The following CEP135 variants were observed in gnomAD, a reference collection of about 807,000 sequenced individuals.
CEP135 encodes the protein centrosomal protein 135.
Under a neutral mutation model 157.3 loss-of-function variants are expected in CEP135, and 142 were observed. The ratio of observed to expected loss-of-function variants is 0.90; its 90% CI spans 0.79 to 1.04. The LOEUF is 1.04. CEP135 is among the 50% of genes least tolerant of loss of function. The pLI, the probability that CEP135 is intolerant of heterozygous loss-of-function variation, is 0.00. For missense variants in CEP135, 1,317 were observed against 1,309.2 expected (o/e 1.01, Z -0.09); for synonymous variants, 396 against 439.8 (o/e 0.90, Z 1.25).
intron 15 of CEP135, among the ~76,000 whole-genome samples, chr4:55,994,657 C>T (rs1560414120): frequency 1.3e-5 from 2 of 151,662 alleles, no homozygotes. Flanking sequence ...TTATTACCAA[C>T]AAACAGGCTT....
intron 17 of CEP135, among the ~76,000 whole-genome samples, chr4:56,007,378 A>G (rs1379961269): frequency 1.3e-5 from 2 of 152,196 alleles, no homozygotes; most frequent in Non-Finnish European, 2.9e-5. Flanking sequence ...GGGAGGTCCC[A>G]AAGGGGATGT....
chr4:55,948,966 C>G lies in CEP135; in HGVS notation c.-139C>G, dbSNP rs925057269. On this transcript the variant is annotated 5_prime_UTR_variant, in exon 1 of 26. Coordinates refer to ENST00000257287, the MANE Select transcript of CEP135 (RefSeq NM_025009.5). ...CGCCATTTTCAAACTGCTCTAGCGC[C>G]GGAGCCCGTGCCTGGACGGAAGGAG... is the stretch of plus-strand genomic sequence containing the variant. The G allele has an allele frequency of 6.6e-6, 1 of 152,450 alleles. No individual in the cohort carries two copies. The highest frequency in any genetic ancestry group is 2.1e-4 in the South Asian group (1 of 4,834). 9.4% of individuals were successfully genotyped at this position (152,450 alleles called of 1,614,324 possible). A position where few individuals can be genotyped will look rare whatever the true frequency, so the allele number is the denominator to read the frequency against.
chr4:55,949,595 G>GT (rs1262653297), intron 1 of CEP135, among the ~76,000 whole-genome samples: 1 of 152,160 alleles, frequency 6.6e-6, no homozygotes, highest in Non-Finnish European at 1.5e-5. Context: ...GGGGTTTCTT[G>GT]TTTATCTTCT....
chr4:55,971,460 G>A (rs1729025283), intron 10 of CEP135, 52 bp downstream of exon 10: 2 of 1,506,234 alleles, frequency 1.3e-6, no homozygotes, highest in Non-Finnish European at 1.8e-6. Context: ...TCCTCTTGAT[G>A]TATTGTTTTT....
intron 17 of CEP135, 146 bp from the exon 18 acceptor site, chr4:56,008,181 T>G: frequency 3.6e-5 from 21 of 586,922 alleles, no homozygotes; most frequent in East Asian, 1.2e-4. Flanking sequence ...GATTGGGACA[T>G]GGAGATATGT....
At chr4:55,964,150 A>G (rs889571208) in intron 6 of CEP135, 124 bp from the exon 7 acceptor site, 17 of 841,732 alleles carry the variant, frequency 2.0e-5, no homozygotes, top group Non-Finnish European at 2.8e-5. Context: ...GGACACAAAT[A>G]TGAATGTTAA....
chr4:56,007,989 G>A (rs1036738798), intron 17 of CEP135, among the ~76,000 whole-genome samples: 1 of 152,152 alleles, frequency 6.6e-6, no homozygotes, highest in Non-Finnish European at 1.5e-5. Flanking sequence ...TATTGGCCAT[G>A]TAGAAGTTTC....
chr4:56,015,091 C>A (rs780495163), intron 21 of CEP135, among the ~76,000 whole-genome samples: 2 of 152,054 alleles, frequency 1.3e-5, no homozygotes, highest in African/African-American at 2.4e-5. Context: ...TTGGAAAATT[C>A]TTAGCCTATC....
intron 10 of CEP135, among the ~76,000 whole-genome samples, chr4:55,971,960 G>C (rs1729040964): frequency 1.3e-5 from 2 of 152,068 alleles, no homozygotes. Context: ...AGATCAGCCT[G>C]GCTAACATGG....
chr4:55,957,769 T>C (rs1478044173), intron 5 of CEP135, among the ~76,000 whole-genome samples: 2 of 152,242 alleles, frequency 1.3e-5, no homozygotes, highest in Non-Finnish European at 2.9e-5. Flanking sequence ...ATGGTTTCTC[T>C]AGCTCTGTGT....
At chr4:55,960,339 C>G (rs1047980973) in intron 6 of CEP135, 2 of 152,500 alleles carry the variant, frequency 1.3e-5, no homozygotes, top group African/African-American at 4.8e-5. Flanking sequence ...CCTCATACAA[C>G]AGTTTTCTGA....
At chr4:55,956,393 A>G (rs1728505997) in intron 4 of CEP135, among the ~76,000 whole-genome samples, 1 of 152,208 alleles carries the variant, frequency 6.6e-6, no homozygotes, top group Admixed American at 6.5e-5. Flanking sequence ...ATTTAGTCCT[A>G]CTACTTGTAG....
At chr4:55,970,678 TC>T (rs1278948991) in intron 9 of CEP135, among the ~76,000 whole-genome samples, 1 of 152,266 alleles carries the variant, frequency 6.6e-6, no homozygotes, top group Admixed American at 6.5e-5. Flanking sequence ...GTAGTTACTT[TC>T]TTACCTTTCT....
At chr4:55,951,607 C>G (rs1728364485) in intron 1 of CEP135, among the ~76,000 whole-genome samples, 1 of 152,148 alleles carries the variant, frequency 6.6e-6, no homozygotes, top group African/African-American at 2.4e-5. Flanking sequence ...GGATGTTTGT[C>G]TTATTATTGA....
At chr4:56,028,249 T>C (rs1016788786) in intron 25 of CEP135, among the ~76,000 whole-genome samples, 2 of 152,198 alleles carry the variant, frequency 1.3e-5, no homozygotes, top group African/African-American at 4.8e-5. Flanking sequence ...GAGACTAGAA[T>C]TGGTGGGTCA....
chr4:56,015,450 G>A (rs1048813535), intron 21 of CEP135, among the ~76,000 whole-genome samples: 1 of 152,244 alleles, frequency 6.6e-6, no homozygotes, highest in African/African-American at 2.4e-5. Context: ...GCTACTGTCT[G>A]TCTGCTTGGT....
Position 55,970,339 on chromosome 4 carries a change from G to A in CEP135, c.1111-931G>A, listed in dbSNP as rs1281634299. Among the ~76,000 whole-genome samples, 3 of 152,174 alleles carry A rather than the reference G, an allele frequency of 2.0e-5. No homozygotes were observed. In the South Asian group the frequency reaches 6.2e-4, roughly 31 times the overall value. On this transcript the variant is annotated intron_variant, in intron 9 of 25. Coordinates refer to ENST00000257287, the MANE Select transcript of CEP135 (RefSeq NM_025009.5). ...ATAGTCTGCAACTAGCAGAAAGAGT[G>A]TCTTGCTTATAAGGTAGAAACTGGG...
At chr4:55,992,818 A>G (rs1729838836) in intron 15 of CEP135, among the ~76,000 whole-genome samples, 1 of 152,242 alleles carries the variant, frequency 6.6e-6, no homozygotes, top group South Asian at 2.1e-4. Context: ...TTGGTTAGTC[A>G]TTAATTAATT....
At chr4:55,980,347 A>G in intron 12 of CEP135, 52 bp downstream of exon 12, 5 of 1,174,000 alleles carry the variant, frequency 4.3e-6, no homozygotes, top group Non-Finnish European at 4.9e-6. Flanking sequence ...CCAGTTAACT[A>G]TAATGGAGCC....
Sources: gnomAD v4.1 joint callset for allele counts (sites outside exome capture counted in the v4.1 genomes callset) on GRCh38, gnomAD v4.1.1 for gene constraint, MANE v1.5 for transcripts, NCBI Gene and HGNC (gene_info 2026-07-23, HGNC 2026-07-21) for gene names.